The following FMN1 variants were observed in gnomAD, a reference collection of about 807,000 sequenced individuals.
FMN1 encodes the protein formin 1, also known as formin-1.
FMN1 carries 110 observed loss-of-function variants against 132.4 expected under a neutral mutation model. The observed-to-expected ratio is 0.83, with a 90% CI of 0.71 to 0.97. FMN1 has a LOEUF of 0.97. Among genes scored for constraint, FMN1 ranks in the 50% least tolerant of loss-of-function variants. The pLI is 0.00. For synonymous variants in FMN1, 722 were observed against 651.7 expected (o/e 1.11, Z -1.64); for missense variants, 1,792 against 1,705.3 (o/e 1.05, Z -0.90).
At chr15:32,831,342 C>T (rs1360626716) in intron 17 of FMN1, among the ~76,000 whole-genome samples, 7 of 152,098 alleles carry the variant, frequency 4.6e-5, no homozygotes, top group East Asian at 1.9e-4. Flanking sequence ...TTCAGCCTCC[C>T]GAGTAGCTGG....
At chr15:32,933,758 C>A (rs2061184023) in intron 9 of FMN1, among the ~76,000 whole-genome samples, 1 of 152,016 alleles carries the variant, frequency 6.6e-6, no homozygotes, top group Non-Finnish European at 1.5e-5. Flanking sequence ...CTAACTATGG[C>A]CACCCTGCTG....
chr15:33,021,740 C>T (rs572040138), intron 6 of FMN1, among the ~76,000 whole-genome samples: 1 of 152,304 alleles, frequency 6.6e-6, no homozygotes, highest in African/African-American at 2.4e-5. Context: ...CTGGGATAAC[C>T]TGCCTTCTAC....
chr15:33,040,310 C>T (rs994485377), intron 6 of FMN1, among the ~76,000 whole-genome samples: 5 of 152,260 alleles, frequency 3.3e-5, no homozygotes, highest in Non-Finnish European at 4.4e-5. Flanking sequence ...ATCACTCTTT[C>T]TATAACCGCA....
chr15:32,853,483 T>C (rs557146946), intron 17 of FMN1, among the ~76,000 whole-genome samples: 1 of 152,368 alleles, frequency 6.6e-6, no homozygotes, highest in African/African-American at 2.4e-5. Context: ...ATAAACTGTA[T>C]GACAATTGTC....
At chr15:32,854,700 G>A (rs1404191191) in intron 17 of FMN1, among the ~76,000 whole-genome samples, 1 of 152,018 alleles carries the variant, frequency 6.6e-6, no homozygotes, top group Admixed American at 6.5e-5. Context: ...ATCGCCTGAG[G>A]TCAGGAGTTC....
Position 33,014,992 on chromosome 15 carries a change from A to G in FMN1, c.2162-6917T>C, listed in dbSNP as rs141856345. Among the ~76,000 whole-genome samples, 10 of 152,350 alleles carry G rather than the reference A, an allele frequency of 6.6e-5. No individual in the cohort carries two copies. The East Asian group carries it at 1.7e-3, about 26-fold the overall frequency. The stretch of plus-strand genomic sequence containing the variant: ...ACAGATTAACTCCTGCCATCCTCAC[A>G]TCAAATTGAAAAGGTAGACCCTATC... On this transcript the variant is annotated intron_variant, in intron 6 of 20. Transcript: ENST00000616417.
At chr15:32,896,889 C>CT (rs372588768) in intron 15 of FMN1, among the ~76,000 whole-genome samples, 1 of 152,146 alleles carries the variant, frequency 6.6e-6, no homozygotes, top group East Asian at 1.9e-4. Context: ...GAAAATGTCT[C>CT]TTTGAGATCC....
intron 6 of FMN1, among the ~76,000 whole-genome samples, chr15:33,048,668 T>TA (rs2036828300): frequency 2.3e-5 from 1 of 43,532 alleles, no homozygotes; most frequent in Non-Finnish European, 5.7e-5. Context: ...TTAATGGACT[T>TA]ACAGTTCCAC....
chr15:32,851,736 G>A lies in FMN1; in HGVS notation c.3928+5279C>T, dbSNP rs529777706. The stretch of plus-strand genomic sequence containing the variant: ...ATTCTGAGAAGGGAAGAATGAAAAA[G>A]ACATAAGGATAAACGCATCATCTCC... On this transcript the variant is annotated intron_variant, in intron 17 of 20. Coordinates refer to ENST00000616417, the MANE Select transcript of FMN1 (RefSeq NM_001277313.2). Among the ~76,000 whole-genome samples, 5 of 152,266 alleles carry A rather than the reference G, an allele frequency of 3.3e-5. No individual in the cohort carries two copies. In the South Asian group the frequency reaches 1.0e-3, roughly 32 times the overall value.
intron 4 of FMN1, chr15:33,151,244 A>C: frequency 6.5e-7 from 1 of 1,535,854 alleles, no homozygotes; most frequent in Non-Finnish European, 8.7e-7. Flanking sequence ...AGTTACCCAT[A>C]TCAAAAAAAG....
At chr15:32,981,363 G>A (rs1467908921) in intron 7 of FMN1, among the ~76,000 whole-genome samples, 6 of 151,152 alleles carry the variant, frequency 4.0e-5, no homozygotes, top group Admixed American at 6.6e-5. Context: ...GCGGTGGCAG[G>A]CACTTGTAGT....
chr15:32,880,585 A>G (rs560966789), intron 16 of FMN1, among the ~76,000 whole-genome samples: 1 of 152,316 alleles, frequency 6.6e-6, no homozygotes, highest in African/African-American at 2.4e-5. Context: ...TTAATGGGAC[A>G]GCACTTTCTT....
intron 3 of FMN1, among the ~76,000 whole-genome samples, chr15:33,155,713 G>A (rs1389565169): frequency 6.6e-6 from 1 of 150,676 alleles, no homozygotes; most frequent in Non-Finnish European, 1.5e-5. Flanking sequence ...CCTTCCTGTT[G>A]TCTATTCGAA....
intron 4 of FMN1, among the ~76,000 whole-genome samples, chr15:33,089,239 A>G (rs1034055934): frequency 3.3e-5 from 5 of 152,302 alleles, no homozygotes; most frequent in Admixed American, 2.0e-4. Flanking sequence ...TACAGGTTGC[A>G]TGGGTCATTC....
chr15:33,063,219 T>A (rs911772432), intron 6 of FMN1: 2 of 152,384 alleles, frequency 1.3e-5, no homozygotes, highest in South Asian at 2.1e-4. Flanking sequence ...GTCTGCTGAC[T>A]TCTCTTTGGG....
chr15:32,964,991 C>G (rs2031058445), intron 8 of FMN1, among the ~76,000 whole-genome samples: 1 of 152,178 alleles, frequency 6.6e-6, no homozygotes, highest in South Asian at 2.1e-4. Context: ...TCTTGAGAAT[C>G]AGGCGTAACA....
chr15:32,927,076 C>T (rs1008248663), intron 9 of FMN1, among the ~76,000 whole-genome samples: 9 of 152,092 alleles, frequency 5.9e-5, no homozygotes, highest in African/African-American at 2.2e-4. Context: ...GGGTTACAGG[C>T]ATTAGTCATT....
intron 5 of FMN1, among the ~76,000 whole-genome samples, chr15:33,076,016 G>A (rs991320961): frequency 2.9e-4 from 44 of 152,194 alleles, no homozygotes; most frequent in African/African-American, 1.0e-3. Context: ...CCACCAACCA[G>A]TGTCAAAGGT....
Position 32,901,897 on chromosome 15 carries a change from G to C in FMN1, c.3507+14C>G. On this transcript the variant is annotated intron_variant, in intron 13 of 20. Coordinates refer to ENST00000616417, the MANE Select transcript of FMN1 (RefSeq NM_001277313.2). ...CAGAGCAAGGCTATCTTTTAAATTAGACAGTAAACATACCTTAGAAGCTCG... is the reference window on the plus strand; with the variant it reads ...CAGAGCAAGGCTATCTTTTAAATTACACAGTAAACATACCTTAGAAGCTCG... The C allele has an allele frequency of 6.3e-7, 1 of 1,593,582 alleles. No individual in the cohort carries two copies. The highest frequency in any genetic ancestry group is 8.5e-7 in the Non-Finnish European group (1 of 1,173,004).
Sources: allele counts gnomAD v4.1 joint callset (sites outside exome capture counted in the v4.1 genomes callset), GRCh38; gene constraint gnomAD v4.1.1; transcripts MANE v1.5; gene names NCBI Gene and HGNC (gene_info 2026-07-23, HGNC 2026-07-21).